Variants in GRXCR2 observed in about 807,000 individuals in gnomAD.
GRXCR2 encodes the protein glutaredoxin domain-containing cysteine-rich protein 2.
In GRXCR2, 23 loss-of-function variants were observed where a neutral mutation model predicts 24.8. The observed-to-expected ratio is 0.93, with a 90% CI of 0.67 to 1.32. The LOEUF is 1.32. Among genes scored for constraint, GRXCR2 ranks in the 40% most tolerant of loss-of-function variants. The pLI is 0.00. For synonymous variants in GRXCR2, 130 were observed against 116.1 expected (o/e 1.12, Z -0.77); for missense variants, 315 against 303.4 (o/e 1.04, Z -0.28).
In GRXCR2 at chr5:145,914,306, T is replaced by C. The variant is rs188632556; in HGVS notation, c.-70+21395A>G. On this transcript the variant is annotated intron_variant, in intron 2 of 3. Transcript: ENST00000639411. ...TTCTTCCTTATCATTTCACTTGGTC[T>C]AAGTTGGGATCCTTTGGTAGGAAAT... Among the ~76,000 whole-genome samples the C allele has an allele frequency of 2.6e-5, 4 of 152,248 alleles. No homozygotes were observed. The East Asian group carries it at 7.7e-4, about 29-fold the overall frequency.
intron 2 of GRXCR2, among the ~76,000 whole-genome samples, chr5:145,927,461 G>T (rs1212682230): frequency 2.6e-5 from 4 of 152,058 alleles, no homozygotes; most frequent in Admixed American, 2.6e-4. Flanking sequence ...TGTGTCAAAG[G>T]CCTTTTCTGC....
At chr5:145,927,278 G>T (rs1757412478) in intron 2 of GRXCR2, among the ~76,000 whole-genome samples, 1 of 152,166 alleles carries the variant, frequency 6.6e-6, no homozygotes, top group Non-Finnish European at 1.5e-5. Context: ...GAATAGGAGT[G>T]GTGAGAGAGG....
At chr5:145,927,742 A>T (rs1254318695) in intron 2 of GRXCR2, among the ~76,000 whole-genome samples, 4 of 152,190 alleles carry the variant, frequency 2.6e-5, no homozygotes, top group Admixed American at 6.6e-5. Flanking sequence ...TGCTGGCCTC[A>T]TAAAATGAGT....
chr5:145,910,646 C>CTG (rs1757152330), intron 2 of GRXCR2, among the ~76,000 whole-genome samples: 1 of 152,114 alleles, frequency 6.6e-6, no homozygotes, highest in African/African-American at 2.4e-5. Context: ...TGACACATAG[C>CTG]TGTACCTCCT....
At chr5:145,931,390 A>G in intron 2 of GRXCR2, among the ~76,000 whole-genome samples, 1 of 152,184 alleles carries the variant, frequency 6.6e-6, no homozygotes, top group East Asian at 1.9e-4. Flanking sequence ...AAGAACAATA[A>G]GTCACCTCCA....
intron 2 of GRXCR2, among the ~76,000 whole-genome samples, chr5:145,886,940 T>C (rs2149917253): frequency 6.6e-6 from 1 of 152,320 alleles, no homozygotes; most frequent in South Asian, 2.1e-4. Flanking sequence ...TACTAGACTT[T>C]CTGTTAGAAG....
In GRXCR2 at chr5:145,892,617, A is replaced by G. The variant is rs141950284; in HGVS notation, c.-69-25889T>C. Among the ~76,000 whole-genome samples, 934 of 152,342 alleles carry G rather than the reference A, an allele frequency of 6.1e-3. 9 individuals are homozygous for G. Among genetic ancestry groups the G allele is most frequent in the African/African-American group, 0.021 (882 of 41,576 alleles). ...AAAAGAAATGAACAAAGCCTCCAAG[A>G]AATATGGGACTATGTAAAAAGACCA... On this transcript the variant is annotated intron_variant, in intron 2 of 3. Coordinates refer to the GRXCR2 transcript ENST00000639411.
rs963359343 is a variant in GRXCR2 at position 145,919,753 on chromosome 5, G to A, written c.-70+15948C>T. Among the ~76,000 whole-genome samples, 18 of 152,036 alleles carry A rather than the reference G, an allele frequency of 1.2e-4. No homozygotes were observed. In the South Asian group the frequency reaches 3.3e-3, roughly 28 times the overall value. ...GGTCAGGGCCTGTGATTTCCTCAGG[G>A]GGAAGATCCATCCTTTGCATGCTTA... On this transcript the variant is annotated intron_variant, in intron 2 of 3. Transcript: ENST00000639411.
intron 1 of GRXCR2, among the ~76,000 whole-genome samples, chr5:145,871,442 C>T (rs1756530757): frequency 6.6e-6 from 1 of 152,162 alleles, no homozygotes; most frequent in African/African-American, 2.4e-5. Flanking sequence ...AACAACTTGG[C>T]ACTCAATTTT....
Position 145,872,894 on chromosome 5 carries a change from G to T in GRXCR2, c.75C>A (p.Ser25=). 1 of 1,614,168 alleles carries T rather than the reference G, an allele frequency of 6.2e-7. No homozygotes were observed. Among genetic ancestry groups the T allele is most frequent in the Non-Finnish European group, 8.5e-7 (1 of 1,180,006 alleles). ...GCTTCAATACTCGACCGCTGTAGGA[G>T]GAGGAGATTTTAAATCGTACTTTCC... ...KPRKVRFKIS[S]SYSGRVLKQV... Residue 25 remains serine, a synonymous_variant, in exon 1 of 3, where the codon TCC becomes TCA. Transcript: ENST00000377976.
intron 2 of GRXCR2, among the ~76,000 whole-genome samples, chr5:145,905,194 T>C (rs1757074121): frequency 6.6e-6 from 1 of 152,194 alleles, no homozygotes; most frequent in Non-Finnish European, 1.5e-5. Flanking sequence ...ATAGAGTCAA[T>C]ATTGGATCTG....
At chr5:145,900,740 A>G (rs1238034157) in intron 2 of GRXCR2, among the ~76,000 whole-genome samples, 5 of 152,268 alleles carry the variant, frequency 3.3e-5, no homozygotes, top group African/African-American at 1.2e-4. Flanking sequence ...GAGATTTCTC[A>G]AAGAACTTAA....
intron 2 of GRXCR2, among the ~76,000 whole-genome samples, chr5:145,919,317 C>T (rs1040511890): frequency 6.6e-6 from 1 of 152,158 alleles, no homozygotes; most frequent in African/African-American, 2.4e-5. Flanking sequence ...TAAAAATCCT[C>T]CATAGAAACC....
At chr5:145,926,923 C>T (rs866854351) in intron 2 of GRXCR2, among the ~76,000 whole-genome samples, 3 of 152,212 alleles carry the variant, frequency 2.0e-5, no homozygotes, top group Middle Eastern at 3.4e-3. Context: ...GTTTGTAGTT[C>T]TCATTGAAGA....
At chr5:145,897,590 C>T (rs768105855) in intron 2 of GRXCR2, among the ~76,000 whole-genome samples, 1 of 151,674 alleles carries the variant, frequency 6.6e-6, no homozygotes, top group Non-Finnish European at 1.5e-5. Context: ...TCAATCAATT[C>T]CAAAAAAAAT....
chr5:145,929,714 C>G (rs1479923109), intron 2 of GRXCR2, among the ~76,000 whole-genome samples: 1 of 152,202 alleles, frequency 6.6e-6, no homozygotes, highest in Non-Finnish European at 1.5e-5. Context: ...ACAAATCTGC[C>G]TTTAGAACTT....
intron 2 of GRXCR2, 117 bp downstream of exon 2, chr5:145,866,384 G>A (rs1756435512): frequency 1.5e-6 from 1 of 651,976 alleles, no homozygotes. Context: ...TTCAAGTTTA[G>A]GTATCTTAAG....
intron 2 of GRXCR2, among the ~76,000 whole-genome samples, chr5:145,918,077 C>T (rs769639337): frequency 6.6e-5 from 10 of 152,252 alleles, no homozygotes; most frequent in Non-Finnish European, 1.2e-4. Flanking sequence ...TGTGCTCGGC[C>T]GGCTGAACTC....
At chr5:145,868,922 A>C (rs994696372) in intron 1 of GRXCR2, among the ~76,000 whole-genome samples, 7 of 152,362 alleles carry the variant, frequency 4.6e-5, no homozygotes, top group African/African-American at 1.7e-4. Context: ...GTTACATCAA[A>C]TGTCAATGGG....
Sources: gnomAD v4.1 joint callset for allele counts (sites outside exome capture counted in the v4.1 genomes callset) on GRCh38, gnomAD v4.1.1 for gene constraint, MANE v1.5 for transcripts, NCBI Gene and HGNC (gene_info 2026-07-23, HGNC 2026-07-21) for gene names.